The following PTPRD variants were observed in gnomAD, a reference collection of about 807,000 sequenced individuals.
PTPRD encodes receptor-type tyrosine-protein phosphatase delta.
Under a neutral mutation model 214.5 loss-of-function variants are expected in PTPRD, and 34 were observed. That is an observed-to-expected ratio of 0.16 (90% CI 0.12 to 0.21). The LOEUF is 0.21. Ranked by LOEUF, PTPRD falls within the 10% of genes least tolerant of loss-of-function variation. The pLI is 1.00. For synonymous variants in PTPRD, 1,128 were observed against 845.7 expected, an observed-to-expected ratio of 1.33 and a Z score of -5.79; for missense variants, 2,545 against 2,398.7, an observed-to-expected ratio of 1.06 and a Z score of -1.27.
intron 5 of PTPRD, among the ~76,000 whole-genome samples, chr9:9,880,917 T>A (rs1035976200): frequency 6.6e-6 from 1 of 152,182 alleles, no homozygotes; most frequent in African/African-American, 2.4e-5. Context: ...TACATATTTG[T>A]ATGTGTTCGA....
At chr9:8,631,487 A>C (rs1008043561) in intron 14 of PTPRD, among the ~76,000 whole-genome samples, 2 of 151,640 alleles carry the variant, frequency 1.3e-5, no homozygotes, top group Non-Finnish European at 2.9e-5. Context: ...AGGGTTGTGT[A>C]TCTGGATTAT....
chr9:9,958,169 G>T (rs924028830), intron 4 of PTPRD, among the ~76,000 whole-genome samples: 1 of 152,188 alleles, frequency 6.6e-6, no homozygotes, highest in Non-Finnish European at 1.5e-5. Flanking sequence ...AGTTTGGCAA[G>T]AAGTTTTCAG....
intron 10 of PTPRD, among the ~76,000 whole-genome samples, chr9:9,070,019 A>T (rs2099741481): frequency 6.6e-6 from 1 of 152,224 alleles, no homozygotes; most frequent in African/African-American, 2.4e-5. Flanking sequence ...TCACTGGAAA[A>T]TATTTCCCTA....
At position 8,800,767 on chromosome 9, in the gene PTPRD, C is replaced by T. The variant is rs571113659; in HGVS notation, c.-103-66821G>A. ...TCACTTTCACTTTACTCTATGGACT[C>T]GCGCTGAATTCTTTCCTGCAGGAGA... On this transcript the variant is annotated intron_variant, in intron 11 of 45. Transcript: ENST00000381196. 1.8e-4 allele frequency among the ~76,000 whole-genome samples: 28 copies of T among 152,282 alleles called. No individual in the cohort carries two copies. The South Asian group carries it at 5.4e-3, about 29-fold the overall frequency.
At chr9:10,294,271 A>C (rs1386909293) in intron 3 of PTPRD, among the ~76,000 whole-genome samples, 2 of 151,952 alleles carry the variant, frequency 1.3e-5, no homozygotes, top group East Asian at 1.9e-4. Context: ...AGTGGTTCTG[A>C]GTACAATGAG....
At chr9:9,665,750 G>C (rs1040542752) in intron 7 of PTPRD, among the ~76,000 whole-genome samples, 3 of 151,738 alleles carry the variant, frequency 2.0e-5, no homozygotes, top group Admixed American at 2.0e-4. Flanking sequence ...TAAAAGTGAA[G>C]TCTTCAAAAT....
intron 5 of PTPRD, among the ~76,000 whole-genome samples, chr9:9,927,469 C>G (rs532958885): frequency 1.1e-4 from 16 of 152,244 alleles, no homozygotes; most frequent in African/African-American, 3.1e-4. Flanking sequence ...GGATTTATAT[C>G]AAATTCAGCT....
intron 5 of PTPRD, among the ~76,000 whole-genome samples, chr9:9,883,605 T>A (rs2069618268): frequency 6.6e-6 from 1 of 152,270 alleles, no homozygotes. Flanking sequence ...AGTCAGGCAA[T>A]CATATATCTG....
At chr9:9,253,150 A>G (rs1055890059) in intron 9 of PTPRD, among the ~76,000 whole-genome samples, 2 of 152,070 alleles carry the variant, frequency 1.3e-5, no homozygotes, top group Admixed American at 1.3e-4. Flanking sequence ...TCTTATCTCT[A>G]TTTTTGAAGT....
At position 9,617,263 on chromosome 9, in the gene PTPRD, G is replaced by A. The variant is rs545555762; in HGVS notation, c.-286-42482C>T. 9.3e-4 allele frequency among the ~76,000 whole-genome samples: 142 copies of A among 152,218 alleles called. 1 individual carries two copies. In the East Asian group the frequency reaches 0.016, roughly 17 times the overall value. ...AGTGGAAAGGAGAATTAGACTCCTC[G>A]TAGCCAGTCTAATTAAAAACTAATT... On this transcript the variant is annotated intron_variant, in intron 7 of 45. Coordinates refer to ENST00000381196, the MANE Select transcript of PTPRD (RefSeq NM_002839.4).
At chr9:10,210,435 G>T (rs926564225) in intron 3 of PTPRD, among the ~76,000 whole-genome samples, 1 of 151,992 alleles carries the variant, frequency 6.6e-6, no homozygotes. Context: ...AACTAAGGTA[G>T]CATCTTGTAG....
rs80141049 is a variant in PTPRD at position 9,619,340 on chromosome 9, G to C, written c.-286-44559C>G. On this transcript the variant is annotated intron_variant, in intron 7 of 45. Coordinates refer to ENST00000381196, the MANE Select transcript of PTPRD (RefSeq NM_002839.4). ...AGGAAATAAATGACAAAACTCTCAA[G>C]AAGGGAGAAAGTATGAAGAGGAGGC... Among the ~76,000 whole-genome samples, 169 of 152,028 alleles carry C rather than the reference G, an allele frequency of 1.1e-3. 3 individuals carry two copies. The East Asian group carries it at 0.032, about 28-fold the overall frequency.
intron 9 of PTPRD, among the ~76,000 whole-genome samples, chr9:9,296,772 G>C (rs1182448580): frequency 6.6e-6 from 1 of 151,572 alleles, no homozygotes; most frequent in Non-Finnish European, 1.5e-5. Flanking sequence ...GTTCCCTAAG[G>C]GACTTACGTA....
At chr9:9,346,455 A>G (rs889454262) in intron 9 of PTPRD, among the ~76,000 whole-genome samples, 5 of 152,182 alleles carry the variant, frequency 3.3e-5, no homozygotes, top group African/African-American at 4.8e-5. Context: ...CACTAATGCA[A>G]TTAAACAACT....
intron 4 of PTPRD, among the ~76,000 whole-genome samples, chr9:10,000,940 A>G (rs1032720858): frequency 6.6e-6 from 1 of 152,146 alleles, no homozygotes; most frequent in African/African-American, 2.4e-5. Context: ...ACCTGGTCAA[A>G]CCAATCCACT....
intron 2 of PTPRD, among the ~76,000 whole-genome samples, chr9:10,346,746 T>C (rs2097091201): frequency 6.6e-6 from 1 of 152,166 alleles, no homozygotes; most frequent in South Asian, 2.1e-4. Context: ...CCTGTACTTG[T>C]GTTACATTTA....
intron 9 of PTPRD, among the ~76,000 whole-genome samples, chr9:9,351,795 A>C (rs1184020165): frequency 1.3e-5 from 2 of 152,162 alleles, no homozygotes; most frequent in African/African-American, 4.8e-5. Flanking sequence ...AGCTGGGTTC[A>C]TAATTTGGAC....
At chr9:9,502,681 ACC>A (rs1450321996) in intron 8 of PTPRD, among the ~76,000 whole-genome samples, 1 of 151,848 alleles carries the variant, frequency 6.6e-6, no homozygotes, top group Non-Finnish European at 1.5e-5. Flanking sequence ...ACTGTAAACA[ACC>A]CAGATTTTCA....
chr9:9,508,528 T>C (rs2096624026), intron 8 of PTPRD, among the ~76,000 whole-genome samples: 1 of 151,766 alleles, frequency 6.6e-6, no homozygotes, highest in Non-Finnish European at 1.5e-5. Context: ...CTTTCCGAGC[T>C]TGCTAATGTT....
Sources: allele counts gnomAD v4.1 joint callset (sites outside exome capture counted in the v4.1 genomes callset), GRCh38; gene constraint gnomAD v4.1.1; transcripts MANE v1.5; gene names NCBI Gene and HGNC (gene_info 2026-07-23, HGNC 2026-07-21).